Variants in TBC1D1 observed in about 807,000 individuals in gnomAD.
TBC1D1 encodes the protein TBC1 domain family member 1, also known as TBC1 (tre-2/USP6, BUB2, cdc16) domain family, member 1.
TBC1D1 carries 89 observed loss-of-function variants against 125.6 expected under a neutral mutation model. That is an observed-to-expected ratio of 0.71 (90% confidence interval 0.60 to 0.85). The LOEUF (loss-of-function observed/expected upper bound fraction) is 0.85, where lower values mean the gene tolerates loss of function less well. Ranked by LOEUF, TBC1D1 falls within the 40% of genes least tolerant of loss-of-function variation. The pLI is 0.00. For missense variants in TBC1D1, 1,377 were observed against 1,469.2 expected, an observed-to-expected ratio of 0.94 and a Z score of 1.03; for synonymous variants, 565 against 564.1, an observed-to-expected ratio of 1.00 and a Z score of -0.02.
In TBC1D1 at chr4:38,054,201, A is replaced by T. The variant is rs771933328; in HGVS notation, c.1913A>T (p.Asp638Val). The T allele has an allele frequency of 8.7e-6, 14 of 1,613,964 alleles. No individual in the cohort carries two copies. Among genetic ancestry groups the T allele is most frequent in the African/African-American group, 1.3e-5 (1 of 75,036 alleles). Residue 638 changes from aspartate (D) to valine (V), a missense_variant and splice_region_variant, in exon 12 of 20, where the codon GAC becomes GTC. Coordinates refer to ENST00000261439, the MANE Select transcript of TBC1D1 (RefSeq NM_015173.4). ...AATCAATCATCTTATAATTTTAGGG[A>T]CTTTGAATCCAAAGCAAACCATCTT...
At chr4:38,039,788 G>T (rs1290079017) in intron 8 of TBC1D1, among the ~76,000 whole-genome samples, 8 of 152,140 alleles carry the variant, frequency 5.3e-5, no homozygotes, top group African/African-American at 2.4e-5. Context: ...GACTGCAATA[G>T]AATTCACTGT....
At chr4:38,122,459 C>A (rs1438368268) in intron 17 of TBC1D1, among the ~76,000 whole-genome samples, 1 of 152,210 alleles carries the variant, frequency 6.6e-6, no homozygotes, top group Non-Finnish European at 1.5e-5. Context: ...GGCTCCTGCA[C>A]ACCTCCCTGT....
At chr4:38,062,592 C>CACCT (rs1246473168) in intron 12 of TBC1D1, among the ~76,000 whole-genome samples, 4 of 152,076 alleles carry the variant, frequency 2.6e-5, no homozygotes, top group Admixed American at 6.6e-5. Flanking sequence ...GATACTTGAT[C>CACCT]ACCTCCCCAT....
chr4:38,112,046 A>G (rs919202239), intron 15 of TBC1D1: 1 of 985,320 alleles, frequency 1.0e-6, no homozygotes, highest in African/African-American at 1.7e-5. Flanking sequence ...TTTTCTGCAT[A>G]AAGAAAATCA....
chr4:37,991,779 T>A (rs1736624486), intron 2 of TBC1D1, among the ~76,000 whole-genome samples: 1 of 152,168 alleles, frequency 6.6e-6, no homozygotes, highest in Non-Finnish European at 1.5e-5. Context: ...TCTAGTTGTG[T>A]CTAGCCTGGC....
At chr4:38,115,586 GATTGAT>G in intron 15 of TBC1D1, 118 bp from the exon 18 acceptor site, 1 of 998,310 alleles carries the variant, frequency 1.0e-6, no homozygotes, top group African/African-American at 1.6e-5. Context: ...GGCAAAGACT[GATTGAT>G]ATTATGATCC....
At chr4:38,114,547 T>C (rs1762653633) in intron 15 of TBC1D1, among the ~76,000 whole-genome samples, 1 of 152,238 alleles carries the variant, frequency 6.6e-6, no homozygotes, top group Non-Finnish European at 1.5e-5. Flanking sequence ...AATTCTTGCC[T>C]GGGCCCAAGC....
chr4:38,114,829 A>G (rs1244956965), intron 15 of TBC1D1, among the ~76,000 whole-genome samples: 1 of 152,068 alleles, frequency 6.6e-6, no homozygotes, highest in Non-Finnish European at 1.5e-5. Context: ...AAAAGAAAAC[A>G]CCTGCTGCTC....
intron 2 of TBC1D1, among the ~76,000 whole-genome samples, chr4:37,920,783 C>T (rs1720776540): frequency 6.6e-6 from 1 of 152,030 alleles, no homozygotes; most frequent in African/African-American, 2.4e-5. Context: ...CCTATGGGAC[C>T]GCATTGTCCC....
At position 38,138,053 on chromosome 4, in the gene TBC1D1, G is replaced by T. The variant is rs1766919145; in HGVS notation, c.*718G>T. The T allele has an allele frequency of 6.6e-6, 1 of 152,276 alleles. No individual in the cohort carries two copies. Among genetic ancestry groups the T allele is most frequent in the African/African-American group, 2.4e-5 (1 of 41,368 alleles). The allele number at this position is 152,276 out of a possible 1,614,324, so 9.4% of individuals were successfully genotyped here. A position where few individuals can be genotyped will look rare whatever the true frequency, so the allele number is the denominator to read the frequency against. ...TGAAGATCATCAAATTAAATAAAAT[G>T]ATTTATTTAATTTGGATATCCTGAT... On this transcript the variant is annotated 3_prime_UTR_variant, in exon 20 of 20. Transcript: ENST00000261439.
At chr4:38,077,610 G>T (rs1755811592) in intron 12 of TBC1D1, among the ~76,000 whole-genome samples, 1 of 149,090 alleles carries the variant, frequency 6.7e-6, no homozygotes, top group African/African-American at 2.5e-5. Context: ...CTTGACTTTT[G>T]GTTCTTTCAC....
rs533046289 is a variant in TBC1D1 at position 38,091,527 on chromosome 4, C to T, written c.2236+1410C>T. Among the ~76,000 whole-genome samples the T allele has an allele frequency of 3.3e-5, 5 of 152,306 alleles. No individual in the cohort carries two copies. The East Asian group carries it at 7.7e-4, about 23-fold the overall frequency. On this transcript the variant is annotated intron_variant, in intron 13 of 19. Transcript: ENST00000261439. ...GCACAGCAGTTATGTTCGTGTGTAT[C>T]TTGGGATTTTTGTTGAAGAGGAAAA...
chr4:38,016,656 G>GCTGT (rs1361298789), intron 3 of TBC1D1, among the ~76,000 whole-genome samples: 1 of 152,210 alleles, frequency 6.6e-6, no homozygotes, highest in Non-Finnish European at 1.5e-5. Context: ...TCTGTTCACT[G>GCTGT]CTGTCGTTGG....
intron 2 of TBC1D1, among the ~76,000 whole-genome samples, chr4:38,000,670 C>T (rs1560595867): frequency 1.3e-5 from 2 of 152,230 alleles, no homozygotes; most frequent in East Asian, 3.9e-4. Context: ...AGAGTTTTCC[C>T]CACACCAGCA....
intron 17 of TBC1D1, 138 bp downstream of exon 19, chr4:38,118,330 TAGTC>T: frequency 9.4e-7 from 1 of 1,067,080 alleles, no homozygotes; most frequent in East Asian, 2.5e-5. Context: ...AGTCTAAGAT[TAGTC>T]AGGGGTGGGT....
At chr4:38,105,644 T>C (rs956845463) in intron 15 of TBC1D1, among the ~76,000 whole-genome samples, 1 of 152,184 alleles carries the variant, frequency 6.6e-6, no homozygotes, top group Non-Finnish European at 1.5e-5. Flanking sequence ...TTTATGTCCA[T>C]GTGTACCCAG....
intron 2 of TBC1D1, among the ~76,000 whole-genome samples, chr4:37,973,575 A>G (rs545664129): frequency 9.9e-5 from 15 of 152,152 alleles, no homozygotes; most frequent in Admixed American, 2.6e-4. Context: ...GCATTTTTGG[A>G]GAGTTTCGTG....
chr4:37,973,908 G>A (rs1156813723), intron 2 of TBC1D1, among the ~76,000 whole-genome samples: 1 of 152,218 alleles, frequency 6.6e-6, no homozygotes, highest in East Asian at 1.9e-4. Context: ...TGATGCAGTA[G>A]GTCTAGATTA....
At chr4:38,000,337 C>G (rs80193966) in intron 2 of TBC1D1, among the ~76,000 whole-genome samples, 6,891 of 152,162 alleles carry the variant, frequency 0.045, 234 homozygotes, top group African/African-American at 0.089. Flanking sequence ...TGAATGTAGT[C>G]AGCAAACCCA....
Sources: gnomAD v4.1 joint callset for allele counts (sites outside exome capture counted in the v4.1 genomes callset) on GRCh38, gnomAD v4.1.1 for gene constraint, MANE v1.5 for transcripts, NCBI Gene and HGNC (gene_info 2026-07-23, HGNC 2026-07-21) for gene names.